NELL1: variants seen among roughly 807,000 people sequenced by gnomAD.
NELL1 encodes the protein neural EGFL like 1, also known as protein kinase C-binding protein NELL1.
In NELL1, 76 loss-of-function variants were observed where a neutral mutation model predicts 107.4. That is an observed-to-expected ratio of 0.71 (90% confidence interval 0.59 to 0.86). NELL1 has a LOEUF of 0.86. Ranked by LOEUF, NELL1 falls within the 40% of genes least tolerant of loss-of-function variation. NELL1 has a pLI of 0.00. For synonymous variants in NELL1, 353 were observed against 341.2 expected (o/e 1.03, Z -0.38); for missense variants, 1,024 against 1,005.5 (o/e 1.02, Z -0.25).
At chr11:21,265,704 A>G (rs563787886) in intron 14 of NELL1, among the ~76,000 whole-genome samples, 1 of 152,126 alleles carries the variant, frequency 6.6e-6, no homozygotes, top group African/African-American at 2.4e-5. Flanking sequence ...CATTAAGGCA[A>G]ATCTTTGGTA....
intron 1 of NELL1, among the ~76,000 whole-genome samples, chr11:20,673,384 G>C (rs1853969105): frequency 6.7e-6 from 1 of 149,534 alleles, no homozygotes; most frequent in African/African-American, 2.5e-5. Flanking sequence ...AAATTCTGTG[G>C]TTAAATGAGC....
intron 4 of NELL1, among the ~76,000 whole-genome samples, chr11:20,864,140 A>G (rs1282250504): frequency 1.3e-5 from 2 of 151,894 alleles, no homozygotes; most frequent in Non-Finnish European, 1.5e-5. Flanking sequence ...GGAGAGGGAG[A>G]GAATTTTTTT....
intron 2 of NELL1, among the ~76,000 whole-genome samples, chr11:20,770,276 T>C (rs1435401822): frequency 6.6e-6 from 1 of 152,142 alleles, no homozygotes; most frequent in East Asian, 1.9e-4. Flanking sequence ...TTTCCAGTGA[T>C]TCATTTTAAG....
chr11:20,691,033 C>T (rs949793004), intron 2 of NELL1, among the ~76,000 whole-genome samples: 1 of 151,808 alleles, frequency 6.6e-6, no homozygotes, highest in Non-Finnish European at 1.5e-5. Context: ...GTATTTTATT[C>T]TCTTTGAAGC....
chr11:20,902,950 G>T (rs924302082), intron 5 of NELL1, among the ~76,000 whole-genome samples: 1 of 151,922 alleles, frequency 6.6e-6, no homozygotes, highest in African/African-American at 2.4e-5. Flanking sequence ...ATGCATAGAA[G>T]TGATAAACAC....
intron 13 of NELL1, among the ~76,000 whole-genome samples, chr11:21,122,843 G>A (rs561388628): frequency 6.6e-6 from 1 of 152,212 alleles, no homozygotes; most frequent in East Asian, 1.9e-4. Flanking sequence ...TGACTCAACT[G>A]GCTTAAATGA....
At chr11:20,931,962 T>C (rs1220057062) in intron 9 of NELL1, among the ~76,000 whole-genome samples, 1 of 152,186 alleles carries the variant, frequency 6.6e-6, no homozygotes, top group Non-Finnish European at 1.5e-5. Flanking sequence ...TTGTGTTGTC[T>C]GCTCACTCAC....
At chr11:20,686,258 C>T (rs2133859837) in intron 2 of NELL1, among the ~76,000 whole-genome samples, 1 of 152,190 alleles carries the variant, frequency 6.6e-6, no homozygotes, top group South Asian at 2.1e-4. Context: ...GGGAACATTT[C>T]TACAGTACCA....
intron 15 of NELL1, among the ~76,000 whole-genome samples, chr11:21,390,115 A>C (rs1326639380): frequency 6.6e-6 from 1 of 151,814 alleles, no homozygotes; most frequent in African/African-American, 2.4e-5. Context: ...TGTGGTAATT[A>C]CATTATAGTT....
intron 15 of NELL1, among the ~76,000 whole-genome samples, chr11:21,477,392 C>T (rs543358743): frequency 2.6e-5 from 4 of 152,222 alleles, no homozygotes; most frequent in African/African-American, 9.6e-5. Flanking sequence ...ATAAGAGTCT[C>T]TGCCTTATAA....
intron 2 of NELL1, among the ~76,000 whole-genome samples, chr11:20,692,052 A>G (rs1466194899): frequency 6.6e-6 from 1 of 151,308 alleles, no homozygotes; most frequent in Non-Finnish European, 1.5e-5. Context: ...TTTCTTCTAG[A>G]TTTTCTAGTT....
chr11:21,316,825 T>G (rs1849889643), intron 14 of NELL1, among the ~76,000 whole-genome samples: 1 of 152,080 alleles, frequency 6.6e-6, no homozygotes, highest in African/African-American at 2.4e-5. Flanking sequence ...TGGGTAGGGC[T>G]TCCTCCTGGA....
chr11:20,781,953 A>G (rs192220604), intron 2 of NELL1, among the ~76,000 whole-genome samples: 1,874 of 149,954 alleles, frequency 0.012, 17 homozygotes, highest in Admixed American at 0.02. Context: ...GAAGTGGGAG[A>G]TCGCTTGAGC....
chr11:21,247,037 A>C (rs944913075), intron 14 of NELL1, among the ~76,000 whole-genome samples: 1 of 152,170 alleles, frequency 6.6e-6, no homozygotes, highest in African/African-American at 2.4e-5. Context: ...CCATATCAAT[A>C]TCTAAACACA....
intron 15 of NELL1, among the ~76,000 whole-genome samples, chr11:21,386,899 T>A (rs1851760289): frequency 6.6e-6 from 1 of 151,868 alleles, no homozygotes; most frequent in East Asian, 1.9e-4. Flanking sequence ...ACGACATAGC[T>A]CTTATTTAAT....
At chr11:20,801,682 T>C (rs1857283995) in intron 3 of NELL1, among the ~76,000 whole-genome samples, 1 of 152,176 alleles carries the variant, frequency 6.6e-6, no homozygotes, top group Non-Finnish European at 1.5e-5. Flanking sequence ...GTTTCCCCAA[T>C]GTTTTCTTTT....
chr11:21,460,112 C>T (rs968709504), intron 15 of NELL1, among the ~76,000 whole-genome samples: 1 of 151,908 alleles, frequency 6.6e-6, no homozygotes, highest in Non-Finnish European at 1.5e-5. Flanking sequence ...GGGTTGTTTA[C>T]TTTGGAACAT....
At position 20,700,324 on chromosome 11, in the gene NELL1, CA is replaced by C. The variant is rs532304454; in HGVS notation, c.184+22269del. On this transcript the variant is annotated intron_variant, in intron 2 of 19. Coordinates refer to ENST00000357134, the MANE Select transcript of NELL1 (RefSeq NM_006157.5). ...TGAAACCCCGTCTCTACTAAAAATA[CA>C]AAAATTAGCCAGGCATGGTGGCACG... is the stretch of plus-strand genomic sequence containing the variant. Among the ~76,000 whole-genome samples, 870 of 151,912 alleles carry C rather than the reference CA, an allele frequency of 5.7e-3. 6 individuals carry two copies. Among genetic ancestry groups the C allele is most frequent in the Non-Finnish European group, 8.8e-3 (596 of 67,946 alleles).
intron 14 of NELL1, among the ~76,000 whole-genome samples, chr11:21,292,254 G>A (rs878974941): frequency 6.6e-6 from 1 of 152,208 alleles, no homozygotes; most frequent in Middle Eastern, 3.4e-3. Context: ...AAATCAATGT[G>A]CAAAAATCAC....
Sources: allele counts gnomAD v4.1 joint callset (sites outside exome capture counted in the v4.1 genomes callset), GRCh38; gene constraint gnomAD v4.1.1; transcripts MANE v1.5; gene names NCBI Gene and HGNC (gene_info 2026-07-23, HGNC 2026-07-21).